Variants in USP42 observed in about 807,000 individuals in gnomAD.
The protein encoded by USP42 is ubiquitin carboxyl-terminal hydrolase 42.
Under a neutral mutation model 113.0 loss-of-function variants are expected in USP42, and 23 were observed. The ratio of observed to expected loss-of-function variants is 0.20; its 90% CI spans 0.15 to 0.29. USP42 has a LOEUF of 0.29. USP42 is among the 10% of genes least tolerant of loss of function. The pLI, the probability that USP42 is intolerant of heterozygous loss-of-function variation, is 1.00. For synonymous variants in USP42, 933 were observed against 699.0 expected (o/e 1.33, Z -5.28); for missense variants, 2,174 against 1,779.8 (o/e 1.22, Z -3.99).
the USP42 span, among the ~76,000 whole-genome samples, chr7:6,085,837 A>C: frequency 1.4e-5 from 2 of 146,696 alleles, no homozygotes; most frequent in African/African-American, 2.6e-5. Context: ...CTGGTTTTGA[A>C]CTCCTGACCT....
chr7:6,109,143 C>T (rs182099345), intron 1 of USP42, among the ~76,000 whole-genome samples: 23 of 152,098 alleles, frequency 1.5e-4, no homozygotes, highest in Admixed American at 1.3e-3. Context: ...AAAGTAAAGT[C>T]TAAACTGAGA....
At chr7:6,126,190 C>T (rs1435208650) in intron 3 of USP42, among the ~76,000 whole-genome samples, 4 of 152,160 alleles carry the variant, frequency 2.6e-5, no homozygotes, top group Admixed American at 6.5e-5. Flanking sequence ...GGCTTTTTCA[C>T]CTAGCATAAT....
chr7:6,100,593 G>A (rs112050162), upstream of USP42, among the ~76,000 whole-genome samples: 15 of 150,794 alleles, frequency 9.9e-5, 2 homozygotes, highest in African/African-American at 3.5e-4. Flanking sequence ...GCCTCTCAAA[G>A]TGCTGGGATT....
chr7:6,111,076 T>G, intron 1 of USP42, 49 bp from the exon 2 acceptor site: 1 of 1,561,570 alleles, frequency 6.4e-7, no homozygotes, highest in Non-Finnish European at 8.7e-7. Flanking sequence ...GGTAAGGAGA[T>G]TGCTTTTCTC....
At chr7:6,155,689 C>T (rs780230201) in intron 15 of USP42, among the ~76,000 whole-genome samples, 1 of 152,174 alleles carries the variant, frequency 6.6e-6, no homozygotes, top group Admixed American at 6.5e-5. Flanking sequence ...ATCGGAGACA[C>T]CTTCGTTTCC....
Position 6,149,580 on chromosome 7 carries a change from C to T in USP42, c.1387-3C>T. ...TGACCAGGTGCGCTCTGCTTACTTC[C>T]AGAATCCACCTCACTTAAATGGGAC... On this transcript the variant is annotated splice_polypyrimidine_tract_variant and splice_region_variant and intron_variant, in intron 12 of 17. Coordinates refer to ENST00000306177, the MANE Select transcript of USP42 (RefSeq NM_032172.3). 6.2e-7 allele frequency: 1 copy of T among 1,609,514 alleles called. No individual in the cohort carries two copies. Among genetic ancestry groups the T allele is most frequent in the Non-Finnish European group, 8.5e-7 (1 of 1,176,848 alleles).
Position 6,123,814 on chromosome 7 carries a change from C to T in USP42, c.442+8291C>T, listed in dbSNP as rs74638854. Among the ~76,000 whole-genome samples the T allele has an allele frequency of 4.1e-4, 56 of 136,108 alleles. 1 individual carries two copies. The East Asian group carries it at 0.011, about 26-fold the overall frequency. The allele number at this position is 136,108 out of a possible 152,430, so 89.3% of individuals were successfully genotyped here. A position where few individuals can be genotyped will look rare whatever the true frequency, so the allele number is the denominator to read the frequency against. On this transcript the variant is annotated intron_variant, in intron 3 of 17. Coordinates refer to ENST00000306177, the MANE Select transcript of USP42 (RefSeq NM_032172.3). Reference sequence around the variant, plus strand: ...TGCCACTGTACTCCAACCAGGGCAACGAAAGGAGACCCTGTCTCAAAAAAA... The same window carrying T: ...TGCCACTGTACTCCAACCAGGGCAATGAAAGGAGACCCTGTCTCAAAAAAA...
At chr7:6,098,167 T>C in the USP42 span, among the ~76,000 whole-genome samples, 2 of 149,896 alleles carry the variant, frequency 1.3e-5, no homozygotes, top group Admixed American at 1.3e-4. Flanking sequence ...CCTCCCAAAG[T>C]GCTGGGATTA....
intron 3 of USP42, among the ~76,000 whole-genome samples, chr7:6,134,946 TG>T (rs1781049821): frequency 6.6e-6 from 1 of 151,984 alleles, no homozygotes; most frequent in Non-Finnish European, 1.5e-5. Flanking sequence ...GCCACCACAC[TG>T]GGCTAATTTT....
In USP42 at chr7:6,159,124, G is replaced by A. The variant is rs1583706094; in HGVS notation, c.3944-326G>A. 6.6e-6 allele frequency among the ~76,000 whole-genome samples: 1 copy of A among 152,116 alleles called. No homozygotes were observed. Among genetic ancestry groups the A allele is most frequent in the Admixed American group, 6.5e-5 (1 of 15,274 alleles). On this transcript the variant is annotated intron_variant, in intron 16 of 17. Transcript: ENST00000306177. The surrounding 1 kb of genome is among the most constrained non-coding windows in gnomAD (Gnocchi z 4.1). ...CGGGTCCCCCTCTACCCTGGACTTCGGCCCCTTGTCTTTCTCTTTCAAACT... is the reference window on the plus strand; with the variant it reads ...CGGGTCCCCCTCTACCCTGGACTTCAGCCCCTTGTCTTTCTCTTTCAAACT...
upstream of USP42, among the ~76,000 whole-genome samples, chr7:6,102,964 G>A (rs148216024): frequency 2.2e-4 from 33 of 151,158 alleles, 4 homozygotes; most frequent in African/African-American, 7.4e-4. Flanking sequence ...GGGAGGGTCA[G>A]GACAGCAGCC....
At chr7:6,107,535 G>A (rs1436132224) in intron 1 of USP42, among the ~76,000 whole-genome samples, 1 of 150,780 alleles carries the variant, frequency 6.6e-6, no homozygotes, top group African/African-American at 2.4e-5. Context: ...TCAGCCTCCC[G>A]AGTAGCTGGG....
At chr7:6,105,197 G>C (rs1253855771) in intron 1 of USP42, among the ~76,000 whole-genome samples, 165 bp downstream of exon 1, 1 of 145,078 alleles carries the variant, frequency 6.9e-6, no homozygotes, top group Non-Finnish European at 1.5e-5. Flanking sequence ...CGGGCCGCCC[G>C]GGACCCCGCC....
rs777622040 is a variant in USP42, at chr7:6,149,887, A to G, written c.1691A>G (p.Gln564Arg). ...TCTACCATTACCAATTCTGCAGTAC[A>G]GTCTACCTCGAACGCATCTACGATG... is the stretch of plus-strand genomic sequence containing the variant. ...PSSTITNSAV[Q>R]STSNASTMSV... Residue 564 changes from glutamine (Q) to arginine (R), a missense_variant, in exon 13 of 18, where the codon CAG becomes CGG. Physicochemically the swap from Gln to Arg is conservative, Grantham distance 43 (BLOSUM62 1). Transcript: ENST00000306177. The G allele has an allele frequency of 1.6e-5, 26 of 1,613,942 alleles. No homozygotes were observed. The highest frequency in any genetic ancestry group is 2.2e-5 in the Non-Finnish European group (26 of 1,179,918).
intron 3 of USP42, among the ~76,000 whole-genome samples, chr7:6,129,941 T>C (rs1343614682): frequency 2.0e-5 from 3 of 152,148 alleles, no homozygotes; most frequent in Non-Finnish European, 4.4e-5. Context: ...GAGAAATTCT[T>C]AGTTCTCAGT....
Position 6,157,160 on chromosome 7 carries a change from G to T in USP42, c.3943+105G>T, listed in dbSNP as rs1329541834. 1.4e-6 allele frequency: 2 copies of T among 1,443,404 alleles called. No homozygotes were observed. Among genetic ancestry groups the T allele is most frequent in the Non-Finnish European group, 1.8e-6 (2 of 1,104,496 alleles). The allele number at this position is 1,443,404 out of a possible 1,614,324, so 89.4% of individuals were successfully genotyped here. On this transcript the variant is annotated intron_variant, in intron 16 of 17. Transcript: ENST00000306177. This position sits in a 1 kb window ranked among gnomAD's most constrained non-coding sequence, Gnocchi z 4.1. ...AAAGAAAACCTCAGGTGGCATCAAAGGGCACAGTTACTCAGAGCACCCCTG... is the reference window on the plus strand; with the variant it reads ...AAAGAAAACCTCAGGTGGCATCAAATGGCACAGTTACTCAGAGCACCCCTG...
Position 6,156,724 on chromosome 7 carries a change from G to A in USP42, c.3642-30G>A, listed in dbSNP as rs191527819. 40 of 1,513,742 alleles carry A rather than the reference G, an allele frequency of 2.6e-5. No individual in the cohort carries two copies. The Admixed American group carries it at 9.5e-4, about 36-fold the overall frequency. 93.8% of individuals were successfully genotyped at this position (1,513,742 alleles called of 1,614,324 possible). A position where few individuals can be genotyped will look rare whatever the true frequency, so the allele number is the denominator to read the frequency against. ...TGCTGCTGGTGGTTTTGTGTTTTAGGGTTTTGAATTCTGGCTTTTCCTTCT... is the reference window on the plus strand; with the variant it reads ...TGCTGCTGGTGGTTTTGTGTTTTAGAGTTTTGAATTCTGGCTTTTCCTTCT... On this transcript the variant is annotated intron_variant, in intron 15 of 17. Coordinates refer to ENST00000306177, the MANE Select transcript of USP42 (RefSeq NM_032172.3).
At chr7:6,099,862 C>T in the USP42 span, among the ~76,000 whole-genome samples, 3 of 150,304 alleles carry the variant, frequency 2.0e-5, no homozygotes, top group East Asian at 3.9e-4. Flanking sequence ...ACCTGGGAGG[C>T]GGAGGCAGGA....
At chr7:6,127,711 T>G (rs1420842403) in intron 3 of USP42, among the ~76,000 whole-genome samples, 2 of 152,244 alleles carry the variant, frequency 1.3e-5, no homozygotes, top group Non-Finnish European at 2.9e-5. Context: ...AATGATTCCT[T>G]CCACTTTATT....
Sources: gnomAD v4.1 joint callset for allele counts (sites outside exome capture counted in the v4.1 genomes callset) on GRCh38, gnomAD v4.1.1 for gene constraint, Gnocchi (gnomAD v3.1) non-coding constraint, MANE v1.5 for transcripts, NCBI Gene and HGNC (gene_info 2026-07-23, HGNC 2026-07-21) for gene names.